CLSTN3: variants seen among roughly 807,000 people sequenced by gnomAD.
CLSTN3 encodes calsyntenin-3.
A neutral mutation model predicts 95.9 loss-of-function variants in CLSTN3; 36 were observed. The ratio of observed to expected loss-of-function variants is 0.38; its 90% CI spans 0.29 to 0.50. CLSTN3 has a LOEUF of 0.50. CLSTN3 is among the 20% of genes least tolerant of loss of function. The probability of loss-of-function intolerance (pLI) is 0.95; values close to 1 mark genes in which losing one functional copy is unlikely to be tolerated. For missense variants in CLSTN3, 1,084 were observed against 1,268.8 expected (o/e 0.85, Z 2.21); for synonymous variants, 481 against 504.0 (o/e 0.95, Z 0.61).
chr12:7,137,426 A>C lies in CLSTN3; in HGVS notation c.1210+316A>C. The C allele has an allele frequency of 2.8e-6, 1 of 357,310 alleles. No individual in the cohort carries two copies. The allele number at this position is 357,310 out of a possible 1,614,324, so 22.1% of individuals were successfully genotyped here. On this transcript the variant is annotated intron_variant, in intron 7 of 17. Transcript: ENST00000266546. The surrounding 1 kb of genome is among the most constrained non-coding windows in gnomAD (Gnocchi z 4.4). ...CCTCCATTAAAGCCCCTCCATTGCA[A>C]TGGGAAAGCCTGGGTAATGGTGTGC...
At position 7,142,071 on chromosome 12, in the gene CLSTN3, T is replaced by C. The variant is rs1690362611; in HGVS notation, c.1487-15T>C. The C allele has an allele frequency of 1.9e-6, 3 of 1,578,686 alleles. No homozygotes were observed. The highest frequency in any genetic ancestry group is 2.6e-6 in the Non-Finnish European group (3 of 1,162,320). On this transcript the variant is annotated splice_polypyrimidine_tract_variant and intron_variant, in intron 9 of 17. Coordinates refer to ENST00000266546, the MANE Select transcript of CLSTN3 (RefSeq NM_014718.4). ...GAGCTCACCAGCACTGTTTTTTTTT[T>C]TTTTTTATCCCCAGAGGAGAAGAAC...
intron 12 of CLSTN3, among the ~76,000 whole-genome samples, chr12:7,145,777 C>G (rs1018649922): frequency 3.9e-5 from 6 of 152,174 alleles, no homozygotes; most frequent in African/African-American, 1.4e-4. Context: ...AAACCAGCCT[C>G]TCTCCCTGAA....
upstream of CLSTN3, chr12:7,130,315 C>CA: frequency 1.0e-6 from 1 of 992,712 alleles, no homozygotes; most frequent in Non-Finnish European, 1.3e-6. Context: ...CCCCCCCCTC[C>CA]CAGTCACCTG....
intron 5 of CLSTN3, 102 bp downstream of exon 5, chr12:7,136,055 G>A: frequency 6.6e-7 from 1 of 1,509,658 alleles, no homozygotes; most frequent in Non-Finnish European, 8.9e-7. Context: ...GGGCTTGGAT[G>A]ATATTGGGGC....
rs1314407324 is a variant in CLSTN3, at chr12:7,132,678, C to A, written c.65-346C>A. On this transcript the variant is annotated intron_variant, in intron 1 of 17. Coordinates refer to ENST00000266546, the MANE Select transcript of CLSTN3 (RefSeq NM_014718.4). ...AGCCCACCACTGCTCCCTGAAGTTC[C>A]CTGTCTCCATTCTCTAGCACGTGAA... is the stretch of plus-strand genomic sequence containing the variant. 4 of 564,904 alleles carry A rather than the reference C, an allele frequency of 7.1e-6. No individual in the cohort carries two copies. In the African/African-American group the frequency reaches 7.5e-5, roughly 11 times the overall value. 35.0% of individuals were successfully genotyped at this position (564,904 alleles called of 1,614,324 possible).
intron 16 of CLSTN3, among the ~76,000 whole-genome samples, chr12:7,154,086 A>G (rs1462523141): frequency 6.6e-6 from 1 of 152,232 alleles, no homozygotes; most frequent in Non-Finnish European, 1.5e-5. Context: ...AATAGGACAC[A>G]GAGTTCGTAG....
chr12:7,142,202 C>A, intron 10 of CLSTN3, 63 bp downstream of exon 10: 3 of 1,389,444 alleles, frequency 2.2e-6, no homozygotes, highest in Non-Finnish European at 3.0e-6. Flanking sequence ...TTCTGAGATC[C>A]CTTTTCCACC....
At chr12:7,145,306 T>C (rs1177531952) in intron 12 of CLSTN3, among the ~76,000 whole-genome samples, 6 of 152,046 alleles carry the variant, frequency 3.9e-5, no homozygotes, top group African/African-American at 1.2e-4. Context: ...GTTGGTGCTA[T>C]CCTAATACTT....
chr12:7,135,635 C>T, intron 4 of CLSTN3, 100 bp downstream of exon 4: 1 of 1,365,660 alleles, frequency 7.3e-7, no homozygotes, highest in Non-Finnish European at 1.0e-6. Flanking sequence ...GCCCCTCAGA[C>T]CCTCACCTCA....
In CLSTN3 at chr12:7,137,248, C is replaced by A; in HGVS notation, c.1210+138C>A. 2 of 805,108 alleles carry A rather than the reference C, an allele frequency of 2.5e-6. No individual in the cohort carries two copies. The highest frequency in any genetic ancestry group is 1.8e-5 in the South Asian group (1 of 56,600). The allele number at this position is 805,108 out of a possible 1,614,324, so 49.9% of individuals were successfully genotyped here. A position where few individuals can be genotyped will look rare whatever the true frequency, so the allele number is the denominator to read the frequency against. Reference sequence around the variant, plus strand: ...AGGTGCAAGTGCCAGGTGTGATATGCCTTGATTCTGTGCTTTATCCCCAAC... The same window carrying A: ...AGGTGCAAGTGCCAGGTGTGATATGACTTGATTCTGTGCTTTATCCCCAAC... On this transcript the variant is annotated intron_variant, in intron 7 of 17. Transcript: ENST00000266546. The surrounding 1 kb of genome is among the most constrained non-coding windows in gnomAD (Gnocchi z 4.4).
chr12:7,145,883 C>T (rs1387488938), intron 12 of CLSTN3, among the ~76,000 whole-genome samples: 2 of 152,146 alleles, frequency 1.3e-5, no homozygotes, highest in Non-Finnish European at 2.9e-5. Context: ...CTCCACTGCC[C>T]ATCAGTTGCC....
chr12:7,137,908 T>G lies in CLSTN3; in HGVS notation c.1211-47T>G. ...CCTTCCTGCTGCTTTGAACTTGTTCTGGCCTCAGCCTCTGCACTTGACCCC... is the reference window on the plus strand; with the variant it reads ...CCTTCCTGCTGCTTTGAACTTGTTCGGGCCTCAGCCTCTGCACTTGACCCC... On this transcript the variant is annotated intron_variant, in intron 7 of 17. Transcript: ENST00000266546. The surrounding 1 kb of genome is among the most constrained non-coding windows in gnomAD (Gnocchi z 4.4). 7.1e-7 allele frequency: 1 copy of G among 1,411,056 alleles called. No homozygotes were observed. The highest frequency in any genetic ancestry group is 1.2e-5 in the South Asian group (1 of 86,312). The allele number at this position is 1,411,056 out of a possible 1,614,324, so 87.4% of individuals were successfully genotyped here.
chr12:7,147,362 G>T (rs548815004), intron 12 of CLSTN3, among the ~76,000 whole-genome samples: 42 of 110,204 alleles, frequency 3.8e-4, no homozygotes, highest in Non-Finnish European at 2.2e-4. Context: ...TGGCACTACT[G>T]CACTGCAGCC....
At chr12:7,155,549 G>A (rs1939800955) in intron 16 of CLSTN3, among the ~76,000 whole-genome samples, 1 of 152,244 alleles carries the variant, frequency 6.6e-6, no homozygotes, top group Non-Finnish European at 1.5e-5. Flanking sequence ...CTTAGCCACT[G>A]GGCCCATCTG....
In CLSTN3 at chr12:7,150,819, TGGA is replaced by T; in HGVS notation, c.2392-104_2392-102del. 3 of 1,546,356 alleles carry T rather than the reference TGGA, an allele frequency of 1.9e-6. No individual in the cohort carries two copies. Among genetic ancestry groups the T allele is most frequent in the South Asian group, 2.5e-5 (2 of 81,576 alleles). On this transcript the variant is annotated intron_variant, in intron 15 of 17. Coordinates refer to ENST00000266546, the MANE Select transcript of CLSTN3 (RefSeq NM_014718.4). This position sits in a 1 kb window ranked among gnomAD's most constrained non-coding sequence, Gnocchi z 4.0. Reference sequence around the variant, plus strand: ...GAGGGCTGCTGGACCTTGCAGTGGGTGGAGGAGAAGGAGATGGGGGCAGTAGTT... The same window carrying T: ...GAGGGCTGCTGGACCTTGCAGTGGGTGGAGAAGGAGATGGGGGCAGTAGTT...
chr12:7,143,036 C>T lies in CLSTN3; in HGVS notation c.1698+10C>T. 2 of 1,611,208 alleles carry T rather than the reference C, an allele frequency of 1.2e-6. No homozygotes were observed. The highest frequency in any genetic ancestry group is 1.7e-6 in the Non-Finnish European group (2 of 1,178,276). On this transcript the variant is annotated intron_variant, in intron 11 of 17. Transcript: ENST00000266546. Reference sequence around the variant, plus strand: ...GGGCAAAGGCATGAAGGTATTGCCCCATCCTCTAGCCCTGTTCTTCCCAGC... The same window carrying T: ...GGGCAAAGGCATGAAGGTATTGCCCTATCCTCTAGCCCTGTTCTTCCCAGC...
In CLSTN3 at chr12:7,133,726, G is replaced by A; in HGVS notation, c.341G>A (p.Cys114Tyr). 6.2e-7 allele frequency: 1 copy of A among 1,605,338 alleles called. No individual in the cohort carries two copies. The highest frequency in any genetic ancestry group is 8.5e-7 in the Non-Finnish European group (1 of 1,176,968). ...EHTFTIQAYD[C>Y]GEGPDGANTK... Reference sequence around the variant, plus strand: ...ACCTTCACCATCCAGGCCTATGACTGTGGCGAGGGCCCCGACGGGGCCAAC... The same window carrying A: ...ACCTTCACCATCCAGGCCTATGACTATGGCGAGGGCCCCGACGGGGCCAAC... Residue 114 changes from cysteine (C) to tyrosine (Y), a missense_variant, in exon 3 of 18, where the codon TGT (cysteine) becomes TAT (tyrosine). Cys to Tyr is a radical substitution (Grantham distance 194, BLOSUM62 -2). Coordinates refer to ENST00000266546, the MANE Select transcript of CLSTN3 (RefSeq NM_014718.4). The surrounding 1 kb of genome is among the most constrained non-coding windows in gnomAD (Gnocchi z 4.7).
At chr12:7,139,657 T>TTATTA (rs1491558318) in intron 8 of CLSTN3, among the ~76,000 whole-genome samples, 2 of 56,162 alleles carry the variant, frequency 3.6e-5, no homozygotes, top group South Asian at 4.6e-4. Flanking sequence ...ATTATTATTA[T>TTATTA]TTTTTTTTTT....
At chr12:7,130,305 C>A (rs1035097533), upstream of CLSTN3, 38 of 876,886 alleles carry the variant, frequency 4.3e-5, 2 homozygotes, top group African/African-American at 6.3e-4. Flanking sequence ...GCACCTGGTC[C>A]CCCCCCCTCC....
Sources: allele counts gnomAD v4.1 joint callset (sites outside exome capture counted in the v4.1 genomes callset), GRCh38; gene constraint gnomAD v4.1.1; non-coding constraint Gnocchi (gnomAD v3.1); transcripts MANE v1.5; gene names NCBI Gene and HGNC (gene_info 2026-07-23, HGNC 2026-07-21).